Variants in MRPS35 observed in about 807,000 individuals in gnomAD.
MRPS35 encodes small ribosomal subunit protein mS35.
A neutral mutation model predicts 32.7 loss-of-function variants in MRPS35; 29 were observed. That is an observed-to-expected ratio of 0.89 (90% CI 0.66 to 1.21). The LOEUF (loss-of-function observed/expected upper bound fraction) is 1.21. MRPS35 is among the 50% of genes most tolerant of loss of function. The pLI, the probability that MRPS35 is intolerant of heterozygous loss-of-function variation, is 0.00. For missense variants in MRPS35, 373 were observed against 383.8 expected (o/e 0.97, Z 0.23); for synonymous variants, 148 against 139.3 (o/e 1.06, Z -0.44).
At chr12:27,747,310 C>A (rs1431762475) in intron 7 of MRPS35, among the ~76,000 whole-genome samples, 1 of 152,168 alleles carries the variant, frequency 6.6e-6, no homozygotes, top group Non-Finnish European at 1.5e-5. Flanking sequence ...AGTTAACATT[C>A]CTTTTATTAC....
chr12:27,752,136 C>T (rs2062007148), intron 7 of MRPS35, among the ~76,000 whole-genome samples: 1 of 151,848 alleles, frequency 6.6e-6, no homozygotes, highest in African/African-American at 2.4e-5. Context: ...AGTCATAGTC[C>T]AGCTAATCAG....
chr12:27,747,425 C>A (rs1024596431), intron 7 of MRPS35, among the ~76,000 whole-genome samples: 1 of 152,152 alleles, frequency 6.6e-6, no homozygotes, highest in Non-Finnish European at 1.5e-5. Context: ...AGTAAATTTG[C>A]ATTCAGTAAA....
intron 7 of MRPS35, among the ~76,000 whole-genome samples, chr12:27,744,995 G>C (rs189027945): frequency 6.6e-6 from 1 of 151,974 alleles, no homozygotes; most frequent in South Asian, 2.1e-4. Flanking sequence ...TCACTCTTTC[G>C]CCCAGACTGG....
chr12:27,716,537 A>G, intron 3 of MRPS35, 79 bp downstream of exon 3: 6 of 1,439,138 alleles, frequency 4.2e-6, no homozygotes, highest in Non-Finnish European at 5.8e-6. Flanking sequence ...CTGCTCTCTT[A>G]TGCTTCACCG....
chr12:27,735,571 G>A lies in MRPS35; in HGVS notation c.632+15G>A. 6.3e-7 allele frequency: 1 copy of A among 1,580,296 alleles called. No homozygotes were observed. The highest frequency in any genetic ancestry group is 1.1e-5 in the South Asian group (1 of 88,930). On this transcript the variant is annotated intron_variant, in intron 6 of 7. Transcript: ENST00000081029. ...AAAACAGATAGGTAATGGAAAAAAT[G>A]TTCAGCCGACTGGTCACGTGTGTTT...
chr12:27,728,133 T>C (rs952695546), intron 5 of MRPS35, among the ~76,000 whole-genome samples: 3 of 152,080 alleles, frequency 2.0e-5, no homozygotes, highest in Admixed American at 6.5e-5. Context: ...TCCAGCTTCA[T>C]TCTTTTGCAT....
intron 7 of MRPS35, among the ~76,000 whole-genome samples, chr12:27,749,235 G>T (rs985360085): frequency 3.3e-5 from 5 of 151,384 alleles, no homozygotes; most frequent in Admixed American, 6.6e-5. Flanking sequence ...TTCAATTCTG[G>T]ATTATTATTC....
chr12:27,751,758 C>T (rs2062004970), intron 7 of MRPS35, among the ~76,000 whole-genome samples: 1 of 152,220 alleles, frequency 6.6e-6, no homozygotes, highest in Non-Finnish European at 1.5e-5. Context: ...AGCGCCTGTA[C>T]AACGGTAGCA....
intron 5 of MRPS35, among the ~76,000 whole-genome samples, chr12:27,724,864 GTA>G (rs1186248912): frequency 6.6e-6 from 1 of 152,134 alleles, no homozygotes; most frequent in African/African-American, 2.4e-5. Context: ...GGATGATACT[GTA>G]TGTGTTCAGC....
intron 7 of MRPS35, among the ~76,000 whole-genome samples, chr12:27,751,132 GAA>G (rs1176255965): frequency 8.2e-6 from 1 of 122,306 alleles, no homozygotes; most frequent in East Asian, 2.3e-4. Flanking sequence ...AAAAAGAAAA[GAA>G]AAGAAAAAGG....
At chr12:27,714,852 G>T (rs772852633) in intron 2 of MRPS35, 32 bp downstream of exon 2, 1 of 1,579,034 alleles carries the variant, frequency 6.3e-7, no homozygotes. Flanking sequence ...CTATCTTAAT[G>T]GTTTCTGGAG....
intron 7 of MRPS35, among the ~76,000 whole-genome samples, chr12:27,745,695 A>G (rs2061979920): frequency 6.6e-6 from 1 of 152,036 alleles, no homozygotes; most frequent in Non-Finnish European, 1.5e-5. Flanking sequence ...CATTAGGTAT[A>G]TCTCCTAATG....
At chr12:27,715,639 G>T (rs1045215186) in intron 2 of MRPS35, among the ~76,000 whole-genome samples, 1 of 152,156 alleles carries the variant, frequency 6.6e-6, no homozygotes, top group African/African-American at 2.4e-5. Flanking sequence ...ATTTCCTCAG[G>T]ACTATTACCT....
Position 27,737,535 on chromosome 12 carries a change from A to C in MRPS35, c.633-4A>C. On this transcript the variant is annotated splice_polypyrimidine_tract_variant and splice_region_variant and intron_variant, in intron 6 of 7. Coordinates refer to ENST00000081029, the MANE Select transcript of MRPS35 (RefSeq NM_021821.4). The stretch of plus-strand genomic sequence containing the variant: ...TTTGACTTCTCCCGCTTTCTCTTTA[A>C]TAGGTGCCCTTTAAGGAGGCAGAAT... 6.2e-7 allele frequency: 1 copy of C among 1,611,898 alleles called. No homozygotes were observed. The highest frequency in any genetic ancestry group is 2.2e-5 in the East Asian group (1 of 44,742).
At chr12:27,726,946 T>G (rs1015178652) in intron 5 of MRPS35, among the ~76,000 whole-genome samples, 2 of 148,482 alleles carry the variant, frequency 1.3e-5, no homozygotes, top group African/African-American at 4.9e-5. Flanking sequence ...TCCTCTTACT[T>G]TCTTGATGAT....
chr12:27,715,696 G>T (rs1256967878), intron 2 of MRPS35, among the ~76,000 whole-genome samples: 1 of 152,164 alleles, frequency 6.6e-6, no homozygotes, highest in African/African-American at 2.4e-5. Context: ...CGTAGGCGGG[G>T]CATGGCTGAA....
intron 5 of MRPS35, among the ~76,000 whole-genome samples, chr12:27,734,246 T>G (rs1197356853): frequency 6.6e-6 from 1 of 150,776 alleles, no homozygotes; most frequent in Non-Finnish European, 1.5e-5. Flanking sequence ...TATCTTCTTT[T>G]TTTTTTTTTT....
intron 5 of MRPS35, chr12:27,725,508 A>G: frequency 6.0e-6 from 1 of 165,840 alleles, no homozygotes; most frequent in South Asian, 1.5e-4. Flanking sequence ...AACTTCCTGA[A>G]AGGAGAACTA....
At position 27,755,455 on chromosome 12, in the gene MRPS35, T is replaced by A. The variant is rs989140554; in HGVS notation, c.*5T>A. ...AGACTATTAAATGTGACATGAATTA[T>A]GGAGTAGAAAAATCTGCTTGATTTA... On this transcript the variant is annotated 3_prime_UTR_variant, in exon 8 of 8. Transcript: ENST00000081029. 2.0e-6 allele frequency: 3 copies of A among 1,535,512 alleles called. No homozygotes were observed. Among genetic ancestry groups the A allele is most frequent in the Non-Finnish European group, 2.6e-6 (3 of 1,149,368 alleles).
Sources: allele counts gnomAD v4.1 joint callset (sites outside exome capture counted in the v4.1 genomes callset), GRCh38; gene constraint gnomAD v4.1.1; transcripts MANE v1.5; gene names NCBI Gene and HGNC (gene_info 2026-07-23, HGNC 2026-07-21).